The following IL17RA variants were observed in gnomAD, a reference collection of about 807,000 sequenced individuals.
IL17RA encodes interleukin 17 receptor A.
In IL17RA, 34 loss-of-function variants were observed where a neutral mutation model predicts 50.4. That is an observed-to-expected ratio of 0.67 (90% confidence interval 0.51 to 0.90). The LOEUF (loss-of-function observed/expected upper bound fraction) is 0.90. IL17RA is among the 40% of genes least tolerant of loss of function. The pLI is 0.00. For missense variants in IL17RA, 1,276 were observed against 1,169.8 expected (o/e 1.09, Z -1.32); for synonymous variants, 585 against 510.4 (o/e 1.15, Z -1.97).
Position 17,105,840 on chromosome 22 carries a change from C to T in IL17RA, c.944-13C>T. The T allele has an allele frequency of 6.2e-7, 1 of 1,610,434 alleles. No individual in the cohort carries two copies. The highest frequency in any genetic ancestry group is 8.5e-7 in the Non-Finnish European group (1 of 1,177,172). ...GCCCCGCCGCATCACTCACGCTGTTCTGCTCACCGCAGACTACATGCCCCT... is the reference window on the plus strand; with the variant it reads ...GCCCCGCCGCATCACTCACGCTGTTTTGCTCACCGCAGACTACATGCCCCT... On this transcript the variant is annotated splice_polypyrimidine_tract_variant and intron_variant, in intron 10 of 12. Transcript: ENST00000319363.
chr22:17,102,431 T>C, intron 7 of IL17RA, 129 bp downstream of exon 7: 2 of 1,000,290 alleles, frequency 2.0e-6, no homozygotes, highest in Non-Finnish European at 1.6e-6. Flanking sequence ...GCTTAGTCCA[T>C]AGTGATCATG....
rs760531659 is a variant in IL17RA at position 17,108,579 on chromosome 22, A to G, written c.1360A>G (p.Lys454Glu). 6.2e-7 allele frequency: 1 copy of G among 1,606,044 alleles called. No individual in the cohort carries two copies. The highest frequency in any genetic ancestry group is 1.1e-5 in the South Asian group (1 of 91,080). ...CCTGTGCTCCCGCGGCACGCGCGCC[A>G]AGTGGCAGGCGCTCCTGGGCCGGGG... ...IVLCSRGTRA[K>E]WQALLGRGAP... The change falls in exon 13 of 13, where the codon AAG becomes GAG. Residue 454 changes from lysine (K) to glutamate (E), a missense_variant. By Grantham distance (56) the Lys-to-Glu change is moderately conservative (BLOSUM62 1). Transcript: ENST00000319363.
chr22:17,107,372 C>T (rs921927425), intron 11 of IL17RA, among the ~76,000 whole-genome samples: 2 of 152,224 alleles, frequency 1.3e-5, no homozygotes, highest in African/African-American at 4.8e-5. Context: ...ACTGGGGGTC[C>T]CAGCTGGATC....
chr22:17,109,733 C>G lies in IL17RA; in HGVS notation c.2514C>G (p.Ser838Arg). The change falls in exon 13 of 13, where the codon AGC becomes AGG. Residue 838 changes from serine to arginine, a missense_variant. Ser to Arg is a moderately radical substitution (Grantham distance 110, BLOSUM62 -1). Coordinates refer to ENST00000319363, the MANE Select transcript of IL17RA (RefSeq NM_014339.7). ...LSPEDLESLR[S>R]LQRQLLFRQL... ...CCGAGGACCTGGAGAGCCTGAGGAG[C>G]CTCCAGCGGCAGCTGCTTTTCCGCC... The G allele has an allele frequency of 6.4e-7, 1 of 1,570,466 alleles. No homozygotes were observed. Among genetic ancestry groups the G allele is most frequent in the Non-Finnish European group, 8.6e-7 (1 of 1,158,352 alleles).
At chr22:17,091,784 C>T (rs2061349192) in intron 1 of IL17RA, among the ~76,000 whole-genome samples, 2 of 152,146 alleles carry the variant, frequency 1.3e-5, no homozygotes, top group Admixed American at 6.5e-5. Context: ...GATATTACAA[C>T]AGTTTCAAGA....
chr22:17,106,859 C>T (rs1429279966), intron 11 of IL17RA, among the ~76,000 whole-genome samples: 2 of 92,364 alleles, frequency 2.2e-5, no homozygotes, highest in African/African-American at 7.0e-5. Flanking sequence ...TGGGGCTGGG[C>T]GGCGGCGGCG....
chr22:17,101,930 G>A, intron 5 of IL17RA, 66 bp from the exon 6 acceptor site: 1 of 1,587,728 alleles, frequency 6.3e-7, no homozygotes, highest in Non-Finnish European at 8.6e-7. Context: ...CTTGGTGTCA[G>A]GAGTCTGGAA....
chr22:17,112,860 G>A lies in IL17RA; in HGVS notation c.*3040G>A, dbSNP rs1346865344. ...CTCCTGAGTGTGCAGAGGTGGTTCC[G>A]GTTGGGAAAGAAGCAGCGGAGCATC... is the stretch of plus-strand genomic sequence containing the variant. On this transcript the variant is annotated 3_prime_UTR_variant, in exon 13 of 13. Coordinates refer to ENST00000319363, the MANE Select transcript of IL17RA (RefSeq NM_014339.7). 1.3e-5 allele frequency: 2 copies of A among 152,102 alleles called. No individual in the cohort carries two copies. Among genetic ancestry groups the A allele is most frequent in the Non-Finnish European group, 1.5e-5 (1 of 68,040 alleles). The allele number at this position is 152,102 out of a possible 1,614,324, so 9.4% of individuals were successfully genotyped here.
intron 1 of IL17RA, among the ~76,000 whole-genome samples, chr22:17,091,249 T>C (rs1461523629): frequency 2.6e-5 from 4 of 152,234 alleles, no homozygotes; most frequent in East Asian, 1.9e-4. Flanking sequence ...TGTCAACATA[T>C]CTTTATTCTA....
At chr22:17,103,630 AGAGTGGACAGGAGTGAG>A (rs1359182607) in intron 8 of IL17RA, 53 bp downstream of exon 8, 1 of 1,378,474 alleles carries the variant, frequency 7.3e-7, no homozygotes, top group Admixed American at 1.9e-5. Context: ...TGGCAATTAT[AGAGTGGACAGGAGTGAG>A]GAGTGTGCAC....
chr22:17,101,113 T>C (rs2061389712), intron 5 of IL17RA, among the ~76,000 whole-genome samples: 2 of 152,188 alleles, frequency 1.3e-5, no homozygotes, highest in Admixed American at 6.5e-5. Context: ...TAGTGCAATT[T>C]TGCTATCCTA....
rs1259073816 is a variant in IL17RA, at chr22:17,111,456, T to C, written c.*1636T>C. The C allele has an allele frequency of 6.6e-6, 1 of 152,094 alleles. No individual in the cohort carries two copies. Among genetic ancestry groups the C allele is most frequent in the Non-Finnish European group, 1.5e-5 (1 of 68,026 alleles). The allele number at this position is 152,094 out of a possible 1,614,324, so 9.4% of individuals were successfully genotyped here. On this transcript the variant is annotated 3_prime_UTR_variant, in exon 13 of 13. Coordinates refer to ENST00000319363, the MANE Select transcript of IL17RA (RefSeq NM_014339.7). ...GGGCAGACCTTGTGTGGGGAAGGGG[T>C]GCTGCTGTGACTTCAGGGTCTGAGG... is the stretch of plus-strand genomic sequence containing the variant.
chr22:17,094,685 C>CTATATATATATA (rs1440120986), intron 1 of IL17RA, among the ~76,000 whole-genome samples: 1 of 45,800 alleles, frequency 2.2e-5, no homozygotes, highest in Non-Finnish European at 4.0e-5. Flanking sequence ...CTCTCTCTCT[C>CTATATATATATA]TCTCTCTATA....
rs201745135 is a variant in IL17RA at position 17,103,496 on chromosome 22, C to T, written c.765C>T (p.Pro255=). 1.4e-4 allele frequency: 226 copies of T among 1,613,872 alleles called. 1 individual carries two copies. Among genetic ancestry groups the T allele is most frequent in the Non-Finnish European group, 3.2e-5 (38 of 1,179,864 alleles). ...CCCATCCTCGCCTCTCTCCTCAGCC[C>T]AGACCAGAAGAGTTCCACCAGCGAT... ...CFEHMHHIPA[P]RPEEFHQRSN... Residue 255 remains proline, a splice_region_variant and synonymous_variant, in exon 8 of 13, where the codon CCC becomes CCT. Transcript: ENST00000319363.
rs1206060652 is a variant in IL17RA, at chr22:17,094,652, ACACACTCTCTCT to A, written c.139-2408_139-2397del. On this transcript the variant is annotated intron_variant, in intron 1 of 12. Coordinates refer to ENST00000319363, the MANE Select transcript of IL17RA (RefSeq NM_014339.7). ...TGTTTCTATTCTCATTTAGTCATAC[ACACACTCTCTCT>A]CTCTCTCTCTCTCTCTCTCTCTCTC... 1.6e-3 allele frequency among the ~76,000 whole-genome samples: 28 copies of A among 17,738 alleles called. 4 individuals are homozygous for A. The highest frequency in any genetic ancestry group is 2.6e-3 in the Non-Finnish European group (26 of 9,870). 11.6% of individuals were successfully genotyped at this position (17,738 alleles called of 152,430 possible).
At chr22:17,097,580 C>T (rs908546055) in intron 2 of IL17RA, 5 of 601,698 alleles carry the variant, frequency 8.3e-6, no homozygotes, top group Non-Finnish European at 1.5e-5. Flanking sequence ...TGTCTTCTCT[C>T]CTAAAATTCC....
Position 17,109,235 on chromosome 22 carries a change from A to G in IL17RA, c.2016A>G (p.Ala672=), listed in dbSNP as rs1882910467. 1 of 1,492,426 alleles carries G rather than the reference A, an allele frequency of 6.7e-7. No homozygotes were observed. Among genetic ancestry groups the G allele is most frequent in the Non-Finnish European group, 8.9e-7 (1 of 1,126,940 alleles). 92.4% of individuals were successfully genotyped at this position (1,492,426 alleles called of 1,614,324 possible). Residue 672 remains alanine (A), a synonymous_variant, in exon 13 of 13, where the codon GCA becomes GCG. Transcript: ENST00000319363. The stretch of plus-strand genomic sequence containing the variant: ...CCCTCCACACCCTGGTGCTCGCCGC[A>G]GAGGAGGGGGCCCTGGTGGCCGCGG... ...PQPLHTLVLA[A]EEGALVAAVE...
chr22:17,109,067 C>T lies in IL17RA; in HGVS notation c.1848C>T (p.Gly616=), dbSNP rs576301533. The change falls in exon 13 of 13, where the codon GGC becomes GGT. Residue 616 remains glycine (G), a synonymous_variant. Coordinates refer to ENST00000319363, the MANE Select transcript of IL17RA (RefSeq NM_014339.7). ...AGCCACTGCTGCCTCCGGGAACCGG[C>T]ATCGTGAAGCGGGCGCCCCTGGTGC... ...FEEPLLPPGT[G]IVKRAPLVRE... 166 of 1,583,850 alleles carry T rather than the reference C, an allele frequency of 1.0e-4. 1 individual carries two copies. The South Asian group carries it at 1.7e-3, about 16-fold the overall frequency.
intron 4 of IL17RA, among the ~76,000 whole-genome samples, chr22:17,099,636 C>CA (rs2061382648): frequency 6.6e-6 from 1 of 152,002 alleles, no homozygotes; most frequent in Admixed American, 6.6e-5. Flanking sequence ...ACTCAAGCAG[C>CA]AAAGGCAGAA....
Sources: allele counts gnomAD v4.1 joint callset (sites outside exome capture counted in the v4.1 genomes callset), GRCh38; gene constraint gnomAD v4.1.1; transcripts MANE v1.5; gene names NCBI Gene and HGNC (gene_info 2026-07-23, HGNC 2026-07-21).